Variants in SNCG observed in about 807,000 individuals in gnomAD.
SNCG encodes the protein synuclein gamma.
In SNCG, 13 loss-of-function variants were observed where a neutral mutation model predicts 16.0. The ratio of observed to expected loss-of-function variants is 0.81; its 90% CI spans 0.53 to 1.29. SNCG has a LOEUF of 1.29. Ranked by LOEUF, SNCG falls within the 50% of genes most tolerant of loss-of-function variation. The pLI is 0.00. For synonymous variants in SNCG, 66 were observed against 66.3 expected, an observed-to-expected ratio of 1.00 and a Z score of 0.02; for missense variants, 154 against 168.5, an observed-to-expected ratio of 0.91 and a Z score of 0.48.
rs139784922 is a variant in SNCG, at chr10:86,962,623, C to A, written c.311C>A (p.Ala104Asp). 4 of 1,612,210 alleles carry A rather than the reference C, an allele frequency of 2.5e-6. No individual in the cohort carries two copies. In the Admixed American group the frequency reaches 5.0e-5, roughly 20 times the overall value. ...VVRKEDLRPS[A>D]PQQEGEASKE... ...CTACAGGAGGACTTGAGGCCATCTGCCCCCCAACAGGAGGGTGAGGCATCC... is the reference window on the plus strand; with the variant it reads ...CTACAGGAGGACTTGAGGCCATCTGACCCCCAACAGGAGGGTGAGGCATCC... Residue 104 changes from alanine to aspartate, a missense_variant, in exon 4 of 5, where the codon GCC becomes GAC. Physicochemically the swap from Ala to Asp is moderately radical, Grantham distance 126. Coordinates refer to ENST00000372017, the MANE Select transcript of SNCG (RefSeq NM_003087.3).
rs761438076 is a variant in SNCG, at chr10:86,959,655, T to C, written c.144T>C (p.Val48=). The C allele has an allele frequency of 6.2e-7, 1 of 1,613,012 alleles. No homozygotes were observed. The highest frequency in any genetic ancestry group is 1.7e-5 in the Admixed American group (1 of 59,856). The part of the protein sequence containing the change: ...MYVGAKTKEN[V]VQSVTSVAEK... ...CAGGAGCCAAGACCAAGGAGAATGT[T>C]GTACAGAGCGTGACCTCAGGTGAGA... is the stretch of plus-strand genomic sequence containing the variant. The change falls in exon 2 of 5, where the codon GTT becomes GTC. Residue 48 remains valine (V), a synonymous_variant. Transcript: ENST00000372017. This position sits in a 1 kb window ranked among gnomAD's most constrained non-coding sequence, Gnocchi z 4.3.
At chr10:86,957,350 A>T, upstream of SNCG, 1 of 1,611,046 alleles carries the variant, frequency 6.2e-7, no homozygotes, top group Non-Finnish European at 8.5e-7. Context: ...CTACTCCATG[A>T]CCTCTGCCAA....
intron 3 of SNCG, among the ~76,000 whole-genome samples, chr10:86,961,118 T>C (rs1222061703): frequency 6.6e-6 from 1 of 151,890 alleles, no homozygotes; most frequent in Non-Finnish European, 1.5e-5. Flanking sequence ...CTCTGAGCAC[T>C]GAGAATCCCT....
rs1844302383 is a variant in SNCG, at chr10:86,959,535, C to A, written c.122-98C>A. On this transcript the variant is annotated intron_variant, in intron 1 of 4. Transcript: ENST00000372017. The surrounding 1 kb of genome is among the most constrained non-coding windows in gnomAD (Gnocchi z 4.3). ...CCCAGACACCATCCTTACCCCCCCACCGACCCCACAGTTTGTCCAGCTGTT... is the reference window on the plus strand; with the variant it reads ...CCCAGACACCATCCTTACCCCCCCAACGACCCCACAGTTTGTCCAGCTGTT... 2 of 1,092,438 alleles carry A rather than the reference C, an allele frequency of 1.8e-6. No individual in the cohort carries two copies. The highest frequency in any genetic ancestry group is 2.8e-6 in the Non-Finnish European group (2 of 719,314). 67.7% of individuals were successfully genotyped at this position (1,092,438 alleles called of 1,614,324 possible). A position where few individuals can be genotyped will look rare whatever the true frequency, so the allele number is the denominator to read the frequency against.
intron 3 of SNCG, among the ~76,000 whole-genome samples, chr10:86,961,867 T>TCC (rs531655080): frequency 3.0e-5 from 2 of 66,470 alleles, no homozygotes; most frequent in African/African-American, 1.7e-4. Context: ...TATCCCCGCC[T>TCC]CCCCCCCGTC....
At chr10:86,958,500 CTCCCT>C, upstream of SNCG, 6 of 1,098,526 alleles carry the variant, frequency 5.5e-6, no homozygotes, top group South Asian at 1.7e-5. Flanking sequence ...ACCTCCTTCC[CTCCCT>C]CCCTCCCTCC....
At chr10:86,960,388 A>G (rs1401633697) in intron 3 of SNCG, among the ~76,000 whole-genome samples, 1 of 152,182 alleles carries the variant, frequency 6.6e-6, no homozygotes, top group African/African-American at 2.4e-5. Flanking sequence ...TGAGGCTCAA[A>G]ACCACATCTT....
chr10:86,958,248 G>T, upstream of SNCG: 1 of 968,934 alleles, frequency 1.0e-6, no homozygotes, highest in Non-Finnish European at 1.2e-6. Flanking sequence ...TGGCCAAGGC[G>T]CCTCCCCTCT....
intron 3 of SNCG, 26 bp from the exon 4 acceptor site, chr10:86,962,578 C>T: frequency 6.3e-7 from 1 of 1,576,640 alleles, no homozygotes; most frequent in Non-Finnish European, 8.7e-7. Context: ...TCCACATGGT[C>T]TCATGCCCCC....
upstream of SNCG, among the ~76,000 whole-genome samples, chr10:86,955,922 A>C (rs767803035): frequency 2.0e-5 from 3 of 152,132 alleles, no homozygotes; most frequent in Non-Finnish European, 4.4e-5. Context: ...GCTGCCCATC[A>C]GCAGTTCCCA....
At chr10:86,958,872 A>G in intron 1 of SNCG, 54 bp downstream of exon 1, 2 of 1,543,246 alleles carry the variant, frequency 1.3e-6, no homozygotes, top group Non-Finnish European at 1.8e-6. Flanking sequence ...GTGAGTGCCC[A>G]GTTACCTTCG....
intron 4 of SNCG, 79 bp from the exon 5 acceptor site, chr10:86,962,886 C>CT: frequency 1.3e-6 from 2 of 1,510,708 alleles, no homozygotes; most frequent in Non-Finnish European, 1.8e-6. Flanking sequence ...GCACAGAAGA[C>CT]AACTTTTCTC....
chr10:86,956,015 C>T (rs916165414), upstream of SNCG, among the ~76,000 whole-genome samples: 12 of 152,172 alleles, frequency 7.9e-5, no homozygotes, highest in Non-Finnish European at 1.6e-4. Context: ...CTCCCTCCTC[C>T]CTCCCGTCCA....
At chr10:86,956,166 C>T (rs1844224848), upstream of SNCG, among the ~76,000 whole-genome samples, 1 of 148,990 alleles carries the variant, frequency 6.7e-6, no homozygotes, top group Non-Finnish European at 1.5e-5. Flanking sequence ...CCTTGCCGCC[C>T]CACCACCGAG....
chr10:86,958,566 A>G, upstream of SNCG: 1 of 1,372,374 alleles, frequency 7.3e-7, no homozygotes, highest in Non-Finnish European at 9.6e-7. Context: ...CCTCCGCATC[A>G]ATATTTCATC....
chr10:86,960,072 A>T lies in SNCG; in HGVS notation c.235A>T (p.Thr79Ser). The T allele has an allele frequency of 1.9e-6, 3 of 1,613,390 alleles. No individual in the cohort carries two copies. The highest frequency in any genetic ancestry group is 2.5e-6 in the Non-Finnish European group (3 of 1,179,842). ...GGTGAGCAGCGTCAACACTGTGGCC[A>T]CCAAGACCGTGGAGGAGGCGGAGAA... is the stretch of plus-strand genomic sequence containing the variant. Reference protein sequence around the residue: ...AVVSSVNTVATKTVEEAENIA... With the variant: ...AVVSSVNTVASKTVEEAENIA... The change falls in exon 3 of 5, where the codon ACC becomes TCC. Residue 79 changes from threonine to serine, a missense_variant. Transcript: ENST00000372017.
upstream of SNCG, chr10:86,957,385 C>CCAAGCAG: frequency 6.2e-7 from 1 of 1,613,152 alleles, no homozygotes; most frequent in Non-Finnish European, 8.5e-7. Flanking sequence ...TACCGTCCTA[C>CCAAGCAG]GGGGTCCTTG....
intron 3 of SNCG, among the ~76,000 whole-genome samples, 173 bp from the exon 4 acceptor site, chr10:86,962,431 C>T (rs1043789758): frequency 5.9e-5 from 9 of 152,056 alleles, no homozygotes; most frequent in Non-Finnish European, 7.4e-5. Flanking sequence ...ATCAGAGCCC[C>T]GGGTATTGTC....
chr10:86,960,037 G>A lies in SNCG; in HGVS notation c.200G>A (p.Ser67Asn). ...ACCAAGGAGCAGGCCAACGCCGTGA[G>A]CGAGGCTGTGGTGAGCAGCGTCAAC... Reference protein sequence around the residue: ...EKTKEQANAVSEAVVSSVNTV... With the variant: ...EKTKEQANAVNEAVVSSVNTV... Residue 67 changes from serine (S) to asparagine (N), a missense_variant, in exon 3 of 5, where the codon AGC becomes AAC. By Grantham distance (46) the Ser-to-Asn change is conservative. Coordinates refer to ENST00000372017, the MANE Select transcript of SNCG (RefSeq NM_003087.3). 3 of 1,611,456 alleles carry A rather than the reference G, an allele frequency of 1.9e-6. No individual in the cohort carries two copies. The highest frequency in any genetic ancestry group is 2.5e-6 in the Non-Finnish European group (3 of 1,179,300).
Sources: gnomAD v4.1 joint callset for allele counts (sites outside exome capture counted in the v4.1 genomes callset) on GRCh38, gnomAD v4.1.1 for gene constraint, Gnocchi (gnomAD v3.1) non-coding constraint, MANE v1.5 for transcripts, NCBI Gene and HGNC (gene_info 2026-07-23, HGNC 2026-07-21) for gene names.